SMYD3: variants seen among roughly 807,000 people sequenced by gnomAD.
SMYD3 encodes the protein SET and MYND domain containing 3.
SMYD3 carries 36 observed loss-of-function variants against 57.7 expected under a neutral mutation model. The observed-to-expected ratio is 0.62, with a 90% CI of 0.48 to 0.82. The LOEUF (loss-of-function observed/expected upper bound fraction) is 0.82, where lower values mean the gene tolerates loss of function less well. Ranked by LOEUF, SMYD3 falls within the 40% of genes least tolerant of loss-of-function variation. The pLI is 0.00. For missense variants in SMYD3, 515 were observed against 538.8 expected, an observed-to-expected ratio of 0.96 and a Z score of 0.44; for synonymous variants, 211 against 195.0, an observed-to-expected ratio of 1.08 and a Z score of -0.68.
At chr1:246,432,831 T>A (rs770705004) in intron 1 of SMYD3, among the ~76,000 whole-genome samples, 2 of 152,190 alleles carry the variant, frequency 1.3e-5, no homozygotes, top group African/African-American at 2.4e-5. Flanking sequence ...ATTATCATGA[T>A]CACTCCCTCA....
chr1:246,112,370 T>A (rs1303644885), intron 5 of SMYD3, among the ~76,000 whole-genome samples: 1 of 152,206 alleles, frequency 6.6e-6, no homozygotes, highest in East Asian at 1.9e-4. Context: ...GGAAGAAATT[T>A]AAAAGTGGTA....
chr1:246,004,731 G>C (rs1209503247), intron 5 of SMYD3, among the ~76,000 whole-genome samples: 1 of 152,244 alleles, frequency 6.6e-6, no homozygotes. Flanking sequence ...GTTGAGGCCA[G>C]ACAGAGGGTG....
chr1:246,487,441 C>A (rs1317334148), intron 1 of SMYD3, among the ~76,000 whole-genome samples: 2 of 151,256 alleles, frequency 1.3e-5, no homozygotes, highest in African/African-American at 4.9e-5. Context: ...GCCTGGGCAA[C>A]AGAGCAAGAC....
Position 246,101,091 on chromosome 1 carries a change from T to G in SMYD3, c.532-171154A>C, listed in dbSNP as rs562631356. 3.8e-4 allele frequency among the ~76,000 whole-genome samples: 55 copies of G among 143,838 alleles called. 1 individual carries two copies. The South Asian group carries it at 7.6e-3, about 20-fold the overall frequency. 94.4% of individuals were successfully genotyped at this position (143,838 alleles called of 152,430 possible). A position where few individuals can be genotyped will look rare whatever the true frequency, so the allele number is the denominator to read the frequency against. On this transcript the variant is annotated intron_variant, in intron 5 of 11. Transcript: ENST00000490107. ...TTTTTGTTTTTTTTTTTTTTTTTTT[T>G]TTTTTTTTTACAGAGTAAGACGCTT...
chr1:246,131,178 C>A lies in SMYD3; in HGVS notation c.531+196023G>T, dbSNP rs550155135. ...CTTATGTCTTCCTTTGCATTCCCAA[C>A]ACACATACATTTTATCTTATCATGA... On this transcript the variant is annotated intron_variant, in intron 5 of 11. Coordinates refer to ENST00000490107, the MANE Select transcript of SMYD3 (RefSeq NM_001167740.2). Among the ~76,000 whole-genome samples, 93 of 152,308 alleles carry A rather than the reference C, an allele frequency of 6.1e-4. 1 individual carries two copies. Among genetic ancestry groups the A allele is most frequent in the South Asian group, 5.0e-3 (24 of 4,818 alleles).
intron 11 of SMYD3, among the ~76,000 whole-genome samples, chr1:245,755,715 T>A (rs978250106): frequency 1.3e-5 from 2 of 152,188 alleles, no homozygotes; most frequent in Non-Finnish European, 2.9e-5. Context: ...TCCAGCTTTC[T>A]TTTGATTGTG....
chr1:246,298,349 AT>A (rs5782390), intron 5 of SMYD3, among the ~76,000 whole-genome samples: 21,670 of 152,082 alleles, frequency 0.14, 2,122 homozygotes, highest in East Asian at 0.42. Flanking sequence ...CTGAATATTA[AT>A]TTTTTTCTAT....
chr1:246,379,582 C>T (rs1035987003), intron 1 of SMYD3, among the ~76,000 whole-genome samples: 1 of 152,090 alleles, frequency 6.6e-6, no homozygotes, highest in African/African-American at 2.4e-5. Flanking sequence ...TGAAGTTATT[C>T]GCAGAAGTAA....
At chr1:246,345,617 G>T (rs1270693658) in intron 2 of SMYD3, among the ~76,000 whole-genome samples, 1 of 152,132 alleles carries the variant, frequency 6.6e-6, no homozygotes, top group African/African-American at 2.4e-5. Context: ...CAGATTTTTT[G>T]ATTTGGGATG....
intron 10 of SMYD3, among the ~76,000 whole-genome samples, chr1:245,821,291 G>A (rs12073816): frequency 0.89 from 133,179 of 149,764 alleles, 61,238 homozygotes; most frequent in East Asian, 1. Context: ...AAGAAGCAAT[G>A]GGGAAAGGAT....
chr1:246,424,680 G>A (rs2067190646), intron 1 of SMYD3, among the ~76,000 whole-genome samples: 1 of 152,122 alleles, frequency 6.6e-6, no homozygotes, highest in Non-Finnish European at 1.5e-5. Flanking sequence ...ACTTTAATTA[G>A]CCAACTAGTT....
intron 4 of SMYD3, among the ~76,000 whole-genome samples, chr1:246,328,756 T>A (rs2065402874): frequency 6.6e-6 from 1 of 152,038 alleles, no homozygotes; most frequent in Non-Finnish European, 1.5e-5. Context: ...TAGTTACATA[T>A]GTATACATGT....
intron 5 of SMYD3, among the ~76,000 whole-genome samples, chr1:246,091,942 G>A (rs1403914105): frequency 6.6e-6 from 1 of 152,098 alleles, no homozygotes; most frequent in African/African-American, 2.4e-5. Context: ...TATCACTGCT[G>A]ATCACCAACA....
chr1:246,326,095 T>C, intron 5 of SMYD3: 1 of 312,040 alleles, frequency 3.2e-6, no homozygotes, highest in East Asian at 5.2e-5. Flanking sequence ...AAAACTGGAA[T>C]AAATCTCCAG....
At chr1:246,218,131 G>GTAGACAGGA (rs1201391919) in intron 5 of SMYD3, among the ~76,000 whole-genome samples, 2 of 151,774 alleles carry the variant, frequency 1.3e-5, no homozygotes, top group Non-Finnish European at 2.9e-5. Flanking sequence ...AAAAAAGAAA[G>GTAGACAGGA]TAGACAAGAA....
chr1:246,095,951 G>T (rs989420230), intron 5 of SMYD3, among the ~76,000 whole-genome samples: 1 of 152,142 alleles, frequency 6.6e-6, no homozygotes, highest in Non-Finnish European at 1.5e-5. Context: ...ATAGAGCAGG[G>T]CCATTACTAA....
intron 5 of SMYD3, among the ~76,000 whole-genome samples, chr1:246,236,677 GTTT>G (rs1275755186): frequency 6.6e-6 from 1 of 151,920 alleles, no homozygotes; most frequent in African/African-American, 2.4e-5. Context: ...GCCTCCCAAA[GTTT>G]TTTTATTTTT....
chr1:246,228,103 G>A (rs180723594), intron 5 of SMYD3, among the ~76,000 whole-genome samples: 2 of 151,834 alleles, frequency 1.3e-5, no homozygotes, highest in Admixed American at 1.3e-4. Context: ...CCGAGTAGTT[G>A]GGATTACAGG....
chr1:245,831,406 A>C (rs10802276), intron 10 of SMYD3, among the ~76,000 whole-genome samples: 135,620 of 152,194 alleles, frequency 0.89, 60,896 homozygotes, highest in Non-Finnish European at 0.95. Context: ...ACACCCTCAG[A>C]CATGAATATT....
Sources: allele counts gnomAD v4.1 joint callset (sites outside exome capture counted in the v4.1 genomes callset), GRCh38; gene constraint gnomAD v4.1.1; transcripts MANE v1.5; gene names NCBI Gene and HGNC (gene_info 2026-07-23, HGNC 2026-07-21).